Variants in FXYD5 observed in about 807,000 individuals in gnomAD.
The protein encoded by FXYD5 is FXYD domain containing ion transport regulator 5, also known as FXYD domain-containing ion transport regulator 5.
FXYD5 carries 21 observed loss-of-function variants against 25.7 expected under a neutral mutation model. The observed-to-expected ratio is 0.82, with a 90% CI of 0.58 to 1.18. The LOEUF is 1.18. FXYD5 is among the 50% of genes most tolerant of loss of function. FXYD5 has a pLI of 0.00. For missense variants in FXYD5, 229 were observed against 227.7 expected (o/e 1.01, Z -0.04); for synonymous variants, 101 against 90.7 (o/e 1.11, Z -0.64).
intron 6 of FXYD5, 77 bp from the exon 7 acceptor site, chr19:35,166,065 T>G: frequency 7.2e-7 from 1 of 1,395,542 alleles, no homozygotes; most frequent in Non-Finnish European, 1.0e-6. Context: ...GTATCCCCCT[T>G]TCCTGACTTT....
Position 35,158,412 on chromosome 19 carries a change from AG to A in FXYD5, c.199+16del. On this transcript the variant is annotated intron_variant, in intron 4 of 8. Coordinates refer to ENST00000392219, the MANE Select transcript of FXYD5 (RefSeq NM_014164.6). ...CTGGCCTGCTGATGGTGAGTAGTGC[AG>A]GGGCAGGCGGCGGGGACAGGACCAA... 6.5e-7 allele frequency: 1 copy of A among 1,535,654 alleles called. No individual in the cohort carries two copies. Among genetic ancestry groups the A allele is most frequent in the Non-Finnish European group, 9.0e-7 (1 of 1,108,986 alleles).
At chr19:35,160,380 G>T (rs1004495181) in intron 4 of FXYD5, among the ~76,000 whole-genome samples, 4 of 152,004 alleles carry the variant, frequency 2.6e-5, no homozygotes, top group Non-Finnish European at 5.9e-5. Context: ...ATGGAGTTTT[G>T]CTCTTGTTGC....
chr19:35,160,914 A>G, intron 5 of FXYD5, 113 bp downstream of exon 5: 1 of 674,956 alleles, frequency 1.5e-6, no homozygotes, highest in Non-Finnish European at 2.6e-6. Context: ...TTGTTAATAC[A>G]TTTAAAAAAA....
chr19:35,166,470 C>T, intron 8 of FXYD5, 145 bp downstream of exon 8: 1 of 593,844 alleles, frequency 1.7e-6, no homozygotes, highest in Non-Finnish European at 3.0e-6. Flanking sequence ...CCACAGAATT[C>T]AGTGGTTTAA....
intron 6 of FXYD5, among the ~76,000 whole-genome samples, chr19:35,164,774 G>A (rs2065436552): frequency 6.6e-6 from 1 of 152,206 alleles, no homozygotes; most frequent in Non-Finnish European, 1.5e-5. Flanking sequence ...GCTAGTTCTA[G>A]GGGACAGAGA....
At chr19:35,164,099 C>A in intron 5 of FXYD5, 57 bp from the exon 6 acceptor site, 1 of 1,613,138 alleles carries the variant, frequency 6.2e-7, no homozygotes, top group Non-Finnish European at 8.5e-7. Flanking sequence ...AGTAATATCC[C>A]TTGTTTCTGC....
intron 8 of FXYD5, among the ~76,000 whole-genome samples, chr19:35,167,754 G>A (rs147432724): frequency 1.9e-3 from 294 of 152,254 alleles, no homozygotes; most frequent in Non-Finnish European, 3.5e-3. Context: ...GATTCCTGAT[G>A]TGTGCGTGAT....
chr19:35,166,645 A>G (rs1310938447), intron 8 of FXYD5: 2 of 428,154 alleles, frequency 4.7e-6, no homozygotes, highest in Non-Finnish European at 8.2e-6. Context: ...TTGCCACATC[A>G]TCTTATCCTT....
chr19:35,167,786 A>G (rs1224831949), intron 8 of FXYD5, among the ~76,000 whole-genome samples: 2 of 152,182 alleles, frequency 1.3e-5, no homozygotes, highest in Non-Finnish European at 2.9e-5. Context: ...CTGAGAGTCA[A>G]GCACTGTTGC....
intron 8 of FXYD5, among the ~76,000 whole-genome samples, chr19:35,168,093 A>G (rs368450057): frequency 2.7e-4 from 41 of 151,544 alleles, no homozygotes; most frequent in African/African-American, 8.7e-4. Flanking sequence ...AAAAAGAATC[A>G]GTGAAGGATT....
At chr19:35,167,959 C>T (rs1404301076) in intron 8 of FXYD5, among the ~76,000 whole-genome samples, 2 of 152,056 alleles carry the variant, frequency 1.3e-5, no homozygotes, top group Non-Finnish European at 2.9e-5. Context: ...TGGCTCACTC[C>T]TGTAATCCCA....
At chr19:35,157,086 CAGAG>C (rs759540202) in intron 2 of FXYD5, 33 of 227,500 alleles carry the variant, frequency 1.5e-4, no homozygotes, top group Non-Finnish European at 8.7e-5. Context: ...AACTGAGGCT[CAGAG>C]AAAGGACTTC....
At chr19:35,159,049 G>A (rs1174309741) in intron 4 of FXYD5, among the ~76,000 whole-genome samples, 1 of 151,358 alleles carries the variant, frequency 6.6e-6, no homozygotes, top group African/African-American at 2.4e-5. Context: ...AATCACTTAA[G>A]CCCAGAGGCA....
Position 35,160,737 on chromosome 19 carries a change from G to A in FXYD5, c.228G>A (p.Gln76=), listed in dbSNP as rs1374495715. 1.2e-6 allele frequency: 2 copies of A among 1,613,506 alleles called. No homozygotes were observed. Among genetic ancestry groups the A allele is most frequent in the African/African-American group, 2.7e-5 (2 of 74,856 alleles). Residue 76 remains glutamine (Q), a synonymous_variant, in exon 5 of 9, where the codon CAG becomes CAA. Coordinates refer to ENST00000392219, the MANE Select transcript of FXYD5 (RefSeq NM_014164.6). ...DETPQPQTQT[Q]QLEGTDGPLV... ...CACCACAACCCCAGACCCAGACCCAGCAACTGGAAGGAACGGATGGGCCTC... is the reference window on the plus strand; with the variant it reads ...CACCACAACCCCAGACCCAGACCCAACAACTGGAAGGAACGGATGGGCCTC...
At chr19:35,155,520 TG>T (rs1264500339) in intron 1 of FXYD5, 30 bp from the exon 2 acceptor site, 22 of 1,594,772 alleles carry the variant, frequency 1.4e-5, no homozygotes, top group Non-Finnish European at 1.8e-5. Context: ...ACTGACATCA[TG>T]GCTGACCCCA....
intron 5 of FXYD5, among the ~76,000 whole-genome samples, chr19:35,162,687 T>A (rs1268920356): frequency 6.6e-6 from 1 of 152,076 alleles, no homozygotes; most frequent in Non-Finnish European, 1.5e-5. Context: ...TACCATCACA[T>A]GGAATTTGGT....
At chr19:35,160,857 G>C in intron 5 of FXYD5, 56 bp downstream of exon 5, 3 of 1,038,912 alleles carry the variant, frequency 2.9e-6, no homozygotes, top group Non-Finnish European at 4.6e-6. Context: ...TCTCTATCTA[G>C]GTCAACATTT....
chr19:35,163,856 C>G (rs955498009), intron 5 of FXYD5, among the ~76,000 whole-genome samples: 1 of 152,140 alleles, frequency 6.6e-6, no homozygotes, highest in Admixed American at 6.5e-5. Context: ...GTTGCCCTTT[C>G]GTTCCTTTAT....
rs867036700 is a variant in FXYD5 at position 35,159,466 on chromosome 19, C to A, written c.199+1066C>A. Reference sequence around the variant, plus strand: ...GTATGTTTGGAAGTTCTTCTCACATCACTGCATAAAGACTTGTTTTGTTTT... The same window carrying A: ...GTATGTTTGGAAGTTCTTCTCACATAACTGCATAAAGACTTGTTTTGTTTT... On this transcript the variant is annotated intron_variant, in intron 4 of 8. Transcript: ENST00000392219. 3.2e-6 allele frequency: 5 copies of A among 1,543,594 alleles called. No individual in the cohort carries two copies. The Middle Eastern group carries it at 8.4e-4, about 259-fold the overall frequency.
Sources: gnomAD v4.1 joint callset for allele counts (sites outside exome capture counted in the v4.1 genomes callset) on GRCh38, gnomAD v4.1.1 for gene constraint, MANE v1.5 for transcripts, NCBI Gene and HGNC (gene_info 2026-07-23, HGNC 2026-07-21) for gene names.